The following CEP112 variants were observed in gnomAD, a reference collection of about 807,000 sequenced individuals.
CEP112 encodes centrosomal protein of 112 kDa.
Under a neutral mutation model 153.0 loss-of-function variants are expected in CEP112, and 127 were observed. The ratio of observed to expected loss-of-function variants is 0.83; its 90% CI spans 0.72 to 0.96. The LOEUF (loss-of-function observed/expected upper bound fraction) is 0.96, where lower values mean the gene tolerates loss of function less well. Ranked by LOEUF, CEP112 falls within the 40% of genes least tolerant of loss-of-function variation. CEP112 has a pLI of 0.00. For synonymous variants in CEP112, 358 were observed against 374.4 expected, an observed-to-expected ratio of 0.96 and a Z score of 0.51; for missense variants, 1,089 against 1,101.2, an observed-to-expected ratio of 0.99 and a Z score of 0.16.
chr17:66,070,201 G>T, intron 8 of CEP112, among the ~76,000 whole-genome samples, 200 bp from the exon 9 acceptor site: 1 of 152,140 alleles, frequency 6.6e-6, no homozygotes, highest in South Asian at 2.1e-4. Flanking sequence ...CTAGTTAAAA[G>T]TCTTTAAAAT....
intron 21 of CEP112, among the ~76,000 whole-genome samples, chr17:65,752,709 A>G (rs908211138): frequency 1.3e-5 from 2 of 152,126 alleles, no homozygotes; most frequent in Admixed American, 6.5e-5. Context: ...AAGTTCTACC[A>G]CAGGAAAGAT....
chr17:66,132,857 G>T, intron 4 of CEP112, 94 bp from the exon 5 acceptor site: 1 of 858,160 alleles, frequency 1.2e-6, no homozygotes, highest in Non-Finnish European at 1.9e-6. Context: ...CCTTGGAACT[G>T]AGATGATAGT....
chr17:65,832,048 C>T (rs953832652), intron 21 of CEP112, among the ~76,000 whole-genome samples: 2 of 152,114 alleles, frequency 1.3e-5, no homozygotes, highest in African/African-American at 2.4e-5. Context: ...CATTCAAAAT[C>T]ATGTAATTAC....
At chr17:65,652,979 T>C (rs915656889) in intron 24 of CEP112, among the ~76,000 whole-genome samples, 6 of 152,234 alleles carry the variant, frequency 3.9e-5, no homozygotes, top group Admixed American at 2.6e-4. Context: ...GCAATGTGTA[T>C]GTGGACCTCC....
At chr17:65,824,335 G>A (rs2056735130) in intron 21 of CEP112, among the ~76,000 whole-genome samples, 1 of 152,184 alleles carries the variant, frequency 6.6e-6, no homozygotes, top group African/African-American at 2.4e-5. Flanking sequence ...ATATTTACAT[G>A]ACATTCCAGA....
chr17:66,020,529 G>A (rs2064961982), intron 16 of CEP112, among the ~76,000 whole-genome samples: 1 of 152,234 alleles, frequency 6.6e-6, no homozygotes, highest in South Asian at 2.1e-4. Flanking sequence ...TCTGCTGAGT[G>A]ACTATATGGA....
chr17:65,705,551 G>A (rs866868828), intron 23 of CEP112, among the ~76,000 whole-genome samples: 7 of 152,196 alleles, frequency 4.6e-5, no homozygotes, highest in Admixed American at 3.3e-4. Context: ...TGGTAAGTGT[G>A]TTAAGTGTTC....
intron 6 of CEP112, among the ~76,000 whole-genome samples, chr17:66,124,354 A>G (rs897081123): frequency 2.0e-5 from 3 of 152,174 alleles, no homozygotes; most frequent in Non-Finnish European, 4.4e-5. Flanking sequence ...GTACAGTTCC[A>G]GGTGACTAGG....
At position 66,180,317 on chromosome 17, in the gene CEP112, G is replaced by T. The variant is rs542174526; in HGVS notation, c.106+2877C>A. ...TTCATCAGTGAAGCCATCAGGTCCA[G>T]GGCTTTCCTTTGCTGGGAGACTTTT... is the stretch of plus-strand genomic sequence containing the variant. On this transcript the variant is annotated intron_variant, in intron 2 of 26. Transcript: ENST00000535342. Among the ~76,000 whole-genome samples, 15 of 141,286 alleles carry T rather than the reference G, an allele frequency of 1.1e-4. No individual in the cohort carries two copies. In the East Asian group the frequency reaches 2.9e-3, roughly 27 times the overall value. The allele number at this position is 141,286 out of a possible 152,430, so 92.7% of individuals were successfully genotyped here.
At chr17:65,747,587 T>C (rs535736928) in intron 22 of CEP112, among the ~76,000 whole-genome samples, 4 of 152,324 alleles carry the variant, frequency 2.6e-5, no homozygotes, top group South Asian at 4.1e-4. Context: ...TTTCAATGTT[T>C]TAAGCGGACT....
chr17:66,086,536 T>G (rs997758033), intron 8 of CEP112, among the ~76,000 whole-genome samples: 5 of 151,760 alleles, frequency 3.3e-5, no homozygotes, highest in Non-Finnish European at 7.4e-5. Context: ...CCTGAGTAGC[T>G]GGAACTACAG....
At chr17:65,882,092 G>T (rs190386810) in intron 20 of CEP112, among the ~76,000 whole-genome samples, 40 of 152,318 alleles carry the variant, frequency 2.6e-4, no homozygotes, top group South Asian at 4.1e-4. Flanking sequence ...GAGTAATAAA[G>T]GGGGAAAATT....
At chr17:66,102,909 A>G (rs547922791) in intron 6 of CEP112, among the ~76,000 whole-genome samples, 1 of 151,874 alleles carries the variant, frequency 6.6e-6, no homozygotes, top group Non-Finnish European at 1.5e-5. Flanking sequence ...CAAAAAAACT[A>G]TAAGTAAGAA....
intron 6 of CEP112, among the ~76,000 whole-genome samples, chr17:66,119,416 A>C (rs566543557): frequency 1.6e-4 from 24 of 152,308 alleles, no homozygotes; most frequent in African/African-American, 5.5e-4. Context: ...GGAAACTACT[A>C]ATCTGTTCTC....
intron 21 of CEP112, among the ~76,000 whole-genome samples, chr17:65,839,951 T>G (rs1052141925): frequency 2.6e-5 from 4 of 151,624 alleles, no homozygotes; most frequent in Admixed American, 1.3e-4. Context: ...AGGAATAAAT[T>G]TAACCAAAAG....
chr17:65,932,372 T>C (rs1473641403), intron 18 of CEP112, among the ~76,000 whole-genome samples: 1 of 152,032 alleles, frequency 6.6e-6, no homozygotes, highest in Non-Finnish European at 1.5e-5. Flanking sequence ...CAAGGAAATA[T>C]ACGCCACAAA....
intron 21 of CEP112, among the ~76,000 whole-genome samples, chr17:65,761,896 A>G (rs914458579): frequency 6.6e-6 from 1 of 152,124 alleles, no homozygotes; most frequent in African/African-American, 2.4e-5. Context: ...CAAGATATCC[A>G]TTATTTCCAG....
At chr17:66,055,099 G>A (rs2066625110) in intron 11 of CEP112, among the ~76,000 whole-genome samples, 1 of 152,088 alleles carries the variant, frequency 6.6e-6, no homozygotes, top group African/African-American at 2.4e-5. Context: ...ATAGGGAAGA[G>A]AGAAAGGACA....
At chr17:65,972,522 T>TA (rs1246325761) in intron 17 of CEP112, among the ~76,000 whole-genome samples, 1 of 151,872 alleles carries the variant, frequency 6.6e-6, no homozygotes, top group Non-Finnish European at 1.5e-5. Flanking sequence ...AAGGAAATAA[T>TA]AAAAATCAAA....
Sources: allele counts gnomAD v4.1 joint callset (sites outside exome capture counted in the v4.1 genomes callset), GRCh38; gene constraint gnomAD v4.1.1; transcripts MANE v1.5; gene names NCBI Gene and HGNC (gene_info 2026-07-23, HGNC 2026-07-21).